THSD7B: variants seen among roughly 807,000 people sequenced by gnomAD.
The protein encoded by THSD7B is thrombospondin type 1 domain containing 7B, also known as thrombospondin type-1 domain-containing protein 7B.
A neutral mutation model predicts 213.6 loss-of-function variants in THSD7B; 138 were observed. The ratio of observed to expected loss-of-function variants is 0.65; its 90% CI spans 0.56 to 0.74. The LOEUF (loss-of-function observed/expected upper bound fraction) is 0.74, where lower values mean the gene tolerates loss of function less well. Among genes scored for constraint, THSD7B ranks in the 30% least tolerant of loss-of-function variants. The pLI, the probability that THSD7B is intolerant of heterozygous loss-of-function variation, is 0.00. For missense variants in THSD7B, 1,931 were observed against 1,991.5 expected, an observed-to-expected ratio of 0.97 and a Z score of 0.58; for synonymous variants, 742 against 687.0, an observed-to-expected ratio of 1.08 and a Z score of -1.25.
At chr2:137,441,775 A>G (rs549730459) in intron 14 of THSD7B, among the ~76,000 whole-genome samples, 1 of 152,120 alleles carries the variant, frequency 6.6e-6, no homozygotes, top group East Asian at 1.9e-4. Flanking sequence ...ATGTTATCCT[A>G]GTCTTTAATT....
At chr2:137,531,213 A>G (rs1446835269) in intron 15 of THSD7B, among the ~76,000 whole-genome samples, 1 of 151,980 alleles carries the variant, frequency 6.6e-6, no homozygotes, top group African/African-American at 2.4e-5. Flanking sequence ...ATAGCACTCA[A>G]TTAATAATAG....
At chr2:137,604,788 A>G (rs370754966) in intron 17 of THSD7B, among the ~76,000 whole-genome samples, 17 of 152,302 alleles carry the variant, frequency 1.1e-4, no homozygotes, top group African/African-American at 3.9e-4. Flanking sequence ...GTACAATATA[A>G]CTATTACCTT....
chr2:137,586,623 G>A (rs949580931), intron 17 of THSD7B, among the ~76,000 whole-genome samples: 12 of 152,260 alleles, frequency 7.9e-5, no homozygotes, highest in East Asian at 1.9e-4. Flanking sequence ...ATGAAATTCT[G>A]GGTTGAAAAT....
intron 10 of THSD7B, among the ~76,000 whole-genome samples, chr2:137,264,814 A>T (rs540708730): frequency 1.5e-4 from 23 of 149,822 alleles, no homozygotes; most frequent in East Asian, 1.2e-3. Context: ...TTTTTTTTAA[A>T]TTTTTTTTAT....
intron 10 of THSD7B, among the ~76,000 whole-genome samples, chr2:137,261,070 T>G (rs1682434954): frequency 6.6e-6 from 1 of 152,116 alleles, no homozygotes; most frequent in African/African-American, 2.4e-5. Context: ...ACCTCAGTCT[T>G]GCAAAGTGCT....
intron 27 of THSD7B, among the ~76,000 whole-genome samples, chr2:137,672,178 T>C (rs926776698): frequency 6.6e-6 from 1 of 152,146 alleles, no homozygotes; most frequent in Admixed American, 6.6e-5. Context: ...GGAAAAAAAA[T>C]CTAATATTTA....
At chr2:137,567,291 C>T (rs1448024413) in intron 16 of THSD7B, among the ~76,000 whole-genome samples, 1 of 151,960 alleles carries the variant, frequency 6.6e-6, no homozygotes, top group East Asian at 1.9e-4. Flanking sequence ...GCCTTAGCCT[C>T]CCAAATAGCT....
At chr2:136,778,991 T>C (rs1292379343) in intron 1 of THSD7B, among the ~76,000 whole-genome samples, 1 of 152,156 alleles carries the variant, frequency 6.6e-6, no homozygotes, top group African/African-American at 2.4e-5. Context: ...AAAGTACACT[T>C]TAAAATCCAA....
At chr2:136,959,695 A>G (rs1039063574) in intron 2 of THSD7B, among the ~76,000 whole-genome samples, 7 of 152,212 alleles carry the variant, frequency 4.6e-5, no homozygotes, top group Non-Finnish European at 8.8e-5. Flanking sequence ...GTGACTAGAG[A>G]TAGAATAGAT....
At chr2:136,975,692 T>C (rs971412643) in intron 2 of THSD7B, among the ~76,000 whole-genome samples, 9 of 152,164 alleles carry the variant, frequency 5.9e-5, no homozygotes, top group Non-Finnish European at 1.2e-4. Flanking sequence ...ACTACATGAA[T>C]TTTAAAATAG....
At chr2:136,796,095 T>A (rs986692548) in intron 1 of THSD7B, among the ~76,000 whole-genome samples, 2 of 151,986 alleles carry the variant, frequency 1.3e-5, no homozygotes, top group Non-Finnish European at 2.9e-5. Context: ...TTATTGCTCC[T>A]ACTGCTTTTT....
chr2:137,298,594 AG>A (rs1329092355), intron 12 of THSD7B, among the ~76,000 whole-genome samples: 1 of 152,070 alleles, frequency 6.6e-6, no homozygotes, highest in African/African-American at 2.4e-5. Context: ...GAGAAAAAAG[AG>A]GTTTCGTGGG....
intron 2 of THSD7B, among the ~76,000 whole-genome samples, chr2:136,978,817 T>A (rs1685529756): frequency 6.6e-6 from 1 of 152,150 alleles, no homozygotes; most frequent in Non-Finnish European, 1.5e-5. Context: ...GTGAATTTGA[T>A]CCTGTCACCA....
At chr2:137,164,217 G>A (rs1395881758) in intron 6 of THSD7B, among the ~76,000 whole-genome samples, 4 of 152,120 alleles carry the variant, frequency 2.6e-5, no homozygotes, top group Admixed American at 6.6e-5. Flanking sequence ...AACCAGAGGT[G>A]GGGAGTGTTT....
At chr2:137,362,041 G>C (rs1439209451) in intron 12 of THSD7B, among the ~76,000 whole-genome samples, 1 of 152,178 alleles carries the variant, frequency 6.6e-6, no homozygotes, top group Non-Finnish European at 1.5e-5. Context: ...TCTCTCGGTA[G>C]AAACTCTACA....
chr2:136,854,093 T>C (rs1275700779), intron 1 of THSD7B, among the ~76,000 whole-genome samples: 1 of 152,192 alleles, frequency 6.6e-6, no homozygotes, highest in African/African-American at 2.4e-5. Flanking sequence ...TCCTGGAGGA[T>C]GGCATTTCAA....
chr2:137,170,964 T>A, intron 7 of THSD7B, 26 bp downstream of exon 7: 1 of 1,608,584 alleles, frequency 6.2e-7, no homozygotes, highest in South Asian at 1.1e-5. Flanking sequence ...CCACTAGAGG[T>A]GTTAGGATGT....
At position 137,040,583 on chromosome 2, in the gene THSD7B, C is replaced by T. The variant is rs558847193; in HGVS notation, c.140-15837C>T. ...TAATTTTTTGTATTTTTAGTAGAGA[C>T]GGAGTTTCACCACATTGGCCAAACT... is the stretch of plus-strand genomic sequence containing the variant. On this transcript the variant is annotated intron_variant, in intron 2 of 27. Transcript: ENST00000409968. Among the ~76,000 whole-genome samples, 112 of 152,072 alleles carry T rather than the reference C, an allele frequency of 7.4e-4. 2 individuals carry two copies. The South Asian group carries it at 0.02, about 27-fold the overall frequency.
intron 17 of THSD7B, among the ~76,000 whole-genome samples, chr2:137,577,872 T>G (rs1359017768): frequency 1.3e-5 from 2 of 152,180 alleles, no homozygotes; most frequent in Admixed American, 1.3e-4. Context: ...TATCAAAAGT[T>G]AATTAACTGA....
Sources: gnomAD v4.1 joint callset for allele counts (sites outside exome capture counted in the v4.1 genomes callset) on GRCh38, gnomAD v4.1.1 for gene constraint, MANE v1.5 for transcripts, NCBI Gene and HGNC (gene_info 2026-07-23, HGNC 2026-07-21) for gene names.